The following ERICH3 variants were observed in gnomAD, a reference collection of about 807,000 sequenced individuals.
The protein encoded by ERICH3 is glutamate rich 3.
A neutral mutation model predicts 131.1 loss-of-function variants in ERICH3; 126 were observed. The ratio of observed to expected loss-of-function variants is 0.96; its 90% CI spans 0.83 to 1.11. ERICH3 has a LOEUF of 1.11. Among genes scored for constraint, ERICH3 ranks in the 50% most tolerant of loss-of-function variants. ERICH3 has a pLI of 0.00. For synonymous variants in ERICH3, 695 were observed against 644.6 expected (o/e 1.08, Z -1.18); for missense variants, 2,050 against 1,810.7 (o/e 1.13, Z -2.40).
intron 14 of ERICH3, 53 bp from the exon 15 acceptor site, chr1:74,570,492 T>C (rs1646923830): frequency 6.6e-6 from 1 of 152,100 alleles, no homozygotes; most frequent in African/African-American, 2.4e-5. Context: ...CTCACAACAG[T>C]AGAAACAGGA....
chr1:74,665,244 A>G (rs961929591), intron 1 of ERICH3, among the ~76,000 whole-genome samples: 6 of 151,586 alleles, frequency 4.0e-5, no homozygotes, highest in East Asian at 1.9e-4. Context: ...TGAACCAGAG[A>G]GCAGGCCCTC....
At chr1:74,631,686 T>C in intron 7 of ERICH3, 27 bp downstream of exon 7, 1 of 1,566,048 alleles carries the variant, frequency 6.4e-7, no homozygotes, top group South Asian at 1.1e-5. Context: ...GATAAATTAA[T>C]AAAAGAAAAA....
chr1:74,576,412 G>T (rs1291291260), intron 13 of ERICH3, among the ~76,000 whole-genome samples: 5 of 152,124 alleles, frequency 3.3e-5, no homozygotes, highest in South Asian at 2.1e-4. Context: ...TAAGATCATG[G>T]TGCCTCTCCT....
intron 7 of ERICH3, chr1:74,625,705 C>A (rs1649392201): frequency 6.6e-6 from 1 of 152,076 alleles, no homozygotes; most frequent in Non-Finnish European, 1.5e-5. Flanking sequence ...ATATCATTTG[C>A]CATTATCAAC....
intron 12 of ERICH3, among the ~76,000 whole-genome samples, chr1:74,587,641 C>T (rs1250204262): frequency 2.0e-5 from 3 of 152,064 alleles, no homozygotes; most frequent in Non-Finnish European, 4.4e-5. Context: ...TCTACTTACA[C>T]AAATTCAGGT....
intron 11 of ERICH3, among the ~76,000 whole-genome samples, chr1:74,599,004 T>C (rs1210719871): frequency 6.6e-6 from 1 of 151,976 alleles, no homozygotes; most frequent in Non-Finnish European, 1.5e-5. Context: ...CTTTTTAGGA[T>C]ACTTAATATG....
At chr1:74,652,748 G>A (rs542042927) in intron 1 of ERICH3, among the ~76,000 whole-genome samples, 1 of 152,142 alleles carries the variant, frequency 6.6e-6, no homozygotes, top group South Asian at 2.1e-4. Context: ...CAAGCACCAG[G>A]GCATTGTGAC....
chr1:74,637,401 CT>C lies in ERICH3; in HGVS notation c.445-964del, dbSNP rs1350596205. ...CTCCTGATATGCTGACCCTAGCATGCTTAGCATCCCTAGTTGGTTTTCCTTA... is the reference window on the plus strand; with the variant it reads ...CTCCTGATATGCTGACCCTAGCATGCTAGCATCCCTAGTTGGTTTTCCTTA... On this transcript the variant is annotated intron_variant, in intron 5 of 14. Coordinates refer to ENST00000326665, the MANE Select transcript of ERICH3 (RefSeq NM_001002912.5). 3.9e-5 allele frequency among the ~76,000 whole-genome samples: 6 copies of C among 152,144 alleles called. No homozygotes were observed. The East Asian group carries it at 9.6e-4, about 24-fold the overall frequency.
chr1:74,602,553 A>G (rs1340933641), intron 10 of ERICH3, among the ~76,000 whole-genome samples: 1 of 151,876 alleles, frequency 6.6e-6, no homozygotes, highest in Non-Finnish European at 1.5e-5. Flanking sequence ...CCTTGATTCA[A>G]ACTTCTTGCT....
In ERICH3 at chr1:74,573,231, C is replaced by A; in HGVS notation, c.2479G>T (p.Glu827Ter). Residue 827 changes from glutamate to a stop codon, truncating the protein, a stop_gained, in exon 14 of 15, where the codon GAA becomes TAA. Coordinates refer to ENST00000326665, the MANE Select transcript of ERICH3 (RefSeq NM_001002912.5). LOFTEE classifies it high-confidence loss of function. ...ATGCCTGGAGGGATCTCCCTTTTTTCTGTAAACTCTTCTGCCAATTCTGGC... is the reference window on the plus strand; with the variant it reads ...ATGCCTGGAGGGATCTCCCTTTTTTATGTAAACTCTTCTGCCAATTCTGGC... ...EQPELAEEFT[E>*]KREIPPGIER... 6.2e-7 allele frequency: 1 copy of A among 1,607,198 alleles called. No individual in the cohort carries two copies. Among genetic ancestry groups the A allele is most frequent in the Non-Finnish European group, 8.5e-7 (1 of 1,177,126 alleles).
At chr1:74,616,670 G>A (rs1261165892) in intron 8 of ERICH3, among the ~76,000 whole-genome samples, 1 of 152,070 alleles carries the variant, frequency 6.6e-6, no homozygotes, top group Non-Finnish European at 1.5e-5. Flanking sequence ...ATGTGACCTT[G>A]TTTGGACATA....
At chr1:74,668,125 T>C (rs1405079173) in intron 1 of ERICH3, among the ~76,000 whole-genome samples, 1 of 152,188 alleles carries the variant, frequency 6.6e-6, no homozygotes, top group Admixed American at 6.5e-5. Flanking sequence ...AATTACCCAG[T>C]GTCAGGAAGT....
chr1:74,636,195 C>T (rs546174201), intron 6 of ERICH3, 85 bp downstream of exon 6: 34 of 1,098,664 alleles, frequency 3.1e-5, no homozygotes, highest in African/African-American at 2.2e-4. Flanking sequence ...AGATTTTAAT[C>T]GAATATAATA....
intron 11 of ERICH3, 49 bp from the exon 12 acceptor site, chr1:74,590,129 G>T: frequency 7.1e-7 from 1 of 1,406,846 alleles, no homozygotes; most frequent in South Asian, 1.4e-5. Flanking sequence ...TAAAGCAATT[G>T]GTTTAATTGT....
intron 11 of ERICH3, among the ~76,000 whole-genome samples, chr1:74,595,191 T>C (rs542779445): frequency 6.6e-6 from 1 of 152,232 alleles, no homozygotes; most frequent in South Asian, 2.1e-4. Context: ...AACTTACAAG[T>C]TCAAGAAAAA....
rs757741733 is a variant in ERICH3 at position 74,571,500 on chromosome 1, C to G, written c.4210G>C (p.Val1404Leu). Reference sequence around the variant, plus strand: ...CCACTCCGTGCTAATTCCTCTACCACCACCTTCCCTGCAGCTGCTGTTTTT... The same window carrying G: ...CCACTCCGTGCTAATTCCTCTACCAGCACCTTCCCTGCAGCTGCTGTTTTT... ...VGKTAAAGKV[V>L]VEELARSGEE... Residue 1404 changes from valine (V) to leucine (L), a missense_variant, in exon 14 of 15, where the codon GTG (valine) becomes CTG (leucine). By Grantham distance (32) the Val-to-Leu change is conservative (BLOSUM62 1). Coordinates refer to ENST00000326665, the MANE Select transcript of ERICH3 (RefSeq NM_001002912.5). 4.6e-5 allele frequency: 75 copies of G among 1,614,054 alleles called. 3 individuals carry two copies. The South Asian group carries it at 8.2e-4, about 18-fold the overall frequency.
chr1:74,580,312 G>A (rs1466236085), intron 12 of ERICH3, among the ~76,000 whole-genome samples: 3 of 151,760 alleles, frequency 2.0e-5, no homozygotes, highest in Admixed American at 2.0e-4. Flanking sequence ...TTATAATAAA[G>A]TCTTACTAAA....
intron 1 of ERICH3, among the ~76,000 whole-genome samples, chr1:74,654,511 G>T (rs1356321301): frequency 1.3e-5 from 2 of 152,058 alleles, no homozygotes; most frequent in Non-Finnish European, 2.9e-5. Context: ...CTAAGATCAG[G>T]GTACCAACAT....
At chr1:74,671,300 G>GCTTT (rs952848698) in intron 1 of ERICH3, among the ~76,000 whole-genome samples, 1 of 151,900 alleles carries the variant, frequency 6.6e-6, no homozygotes, top group African/African-American at 2.4e-5. Flanking sequence ...CAGTAGTTCT[G>GCTTT]CTTTTGCCCT....
Sources: gnomAD v4.1 joint callset for allele counts (sites outside exome capture counted in the v4.1 genomes callset) on GRCh38, gnomAD v4.1.1 for gene constraint, MANE v1.5 for transcripts, NCBI Gene and HGNC (gene_info 2026-07-23, HGNC 2026-07-21) for gene names.